PLAAT1: variants seen among roughly 807,000 people sequenced by gnomAD.
PLAAT1 encodes the protein phospholipase A and acyltransferase 1, also known as H-REV107 protein-related protein.
PLAAT1 carries 13 observed loss-of-function variants against 16.4 expected under a neutral mutation model. That is an observed-to-expected ratio of 0.79 (90% CI 0.52 to 1.26). The LOEUF is 1.26. Ranked by LOEUF, PLAAT1 falls within the 50% of genes most tolerant of loss-of-function variation. The probability of loss-of-function intolerance (pLI) is 0.00; values close to 1 mark genes in which losing one functional copy is unlikely to be tolerated. For synonymous variants in PLAAT1, 73 were observed against 78.4 expected, an observed-to-expected ratio of 0.93 and a Z score of 0.36; for missense variants, 218 against 207.8, an observed-to-expected ratio of 1.05 and a Z score of -0.30.
At chr3:193,269,435 A>G (rs939709455) in intron 3 of PLAAT1, among the ~76,000 whole-genome samples, 17 of 152,118 alleles carry the variant, frequency 1.1e-4, no homozygotes, top group Non-Finnish European at 1.9e-4. Context: ...TGGAGCCAAG[A>G]CTTCTGTTGT....
At position 193,241,583 on chromosome 3, in the gene PLAAT1, C is replaced by T; in HGVS notation, c.-1+50C>T. ...ACCTCGAGGCGCCCCGGCAACCAAC[C>T]GTGTTCTAACCAACTGGCAAGTGGG... is the stretch of plus-strand genomic sequence containing the variant. On this transcript the variant is annotated intron_variant, in intron 1 of 3. Transcript: ENST00000264735. 3 of 1,202,566 alleles carry T rather than the reference C, an allele frequency of 2.5e-6. No homozygotes were observed. In the South Asian group the frequency reaches 1.3e-4, roughly 51 times the overall value. 74.5% of individuals were successfully genotyped at this position (1,202,566 alleles called of 1,614,324 possible). A position where few individuals can be genotyped will look rare whatever the true frequency, so the allele number is the denominator to read the frequency against.
At chr3:193,281,065 G>A (rs1379808741), downstream of PLAAT1, 1 of 336,522 alleles carries the variant, frequency 3.0e-6, no homozygotes, top group Non-Finnish European at 4.2e-6. Flanking sequence ...CGTCTCAGAA[G>A]TGCTTGGGAA....
At chr3:193,244,041 G>A (rs573070278) in intron 1 of PLAAT1, among the ~76,000 whole-genome samples, 15 of 152,208 alleles carry the variant, frequency 9.9e-5, no homozygotes, top group African/African-American at 3.6e-4. Context: ...TCAGGTTGTC[G>A]CATATGTCAA....
At chr3:193,276,740 ATTACT>A (rs1342735707) in intron 2 of PLAAT1, 1 of 1,566,780 alleles carries the variant, frequency 6.4e-7, no homozygotes, top group Admixed American at 1.8e-5. Flanking sequence ...AAATATAGAG[ATTACT>A]TTACCTCTAC....
At chr3:193,262,325 C>T (rs1355164050) in intron 2 of PLAAT1, among the ~76,000 whole-genome samples, 3 of 143,838 alleles carry the variant, frequency 2.1e-5, no homozygotes, top group Non-Finnish European at 4.5e-5. Flanking sequence ...TAGCTTCAGG[C>T]TCAGGACTTA....
chr3:193,269,425 T>C (rs897121262), intron 3 of PLAAT1, among the ~76,000 whole-genome samples: 9 of 152,162 alleles, frequency 5.9e-5, no homozygotes, highest in African/African-American at 1.4e-4. Flanking sequence ...TGCAAACACA[T>C]GGAGCCAAGA....
chr3:193,242,492 A>G (rs933101016), intron 1 of PLAAT1, among the ~76,000 whole-genome samples: 1 of 152,166 alleles, frequency 6.6e-6, no homozygotes, highest in Non-Finnish European at 1.5e-5. Flanking sequence ...AAGGTTCAGT[A>G]TTAACAAAAA....
intron 2 of PLAAT1, 119 bp from the exon 3 acceptor site, chr3:193,262,851 A>G (rs2108797461): frequency 1.0e-6 from 1 of 999,100 alleles, no homozygotes; most frequent in Middle Eastern, 2.2e-4. Context: ...CTTTGGTTTG[A>G]TAATAAGTTA....
chr3:193,258,515 TAAC>T (rs1302234686), intron 2 of PLAAT1, among the ~76,000 whole-genome samples: 1 of 151,832 alleles, frequency 6.6e-6, no homozygotes, highest in East Asian at 1.9e-4. Context: ...CTATCTAAAT[TAAC>T]AAAGGAAAAA....
chr3:193,270,535 A>G, intron 3 of PLAAT1, 69 bp from the exon 4 acceptor site: 6 of 1,462,782 alleles, frequency 4.1e-6, no homozygotes, highest in Middle Eastern at 1.8e-4. Flanking sequence ...AACAGGCTAA[A>G]GCTTCATTTA....
intron 1 of PLAAT1, among the ~76,000 whole-genome samples, chr3:193,245,977 G>A (rs764362251): frequency 6.6e-6 from 1 of 152,186 alleles, no homozygotes; most frequent in Non-Finnish European, 1.5e-5. Flanking sequence ...CCCATTTCAT[G>A]TGCAAGGAGA....
chr3:193,256,926 C>T (rs1716396450), intron 2 of PLAAT1, among the ~76,000 whole-genome samples: 1 of 152,116 alleles, frequency 6.6e-6, no homozygotes, highest in African/African-American at 2.4e-5. Flanking sequence ...ATATTCTTTA[C>T]TGAGAAATCT....
intron 2 of PLAAT1, among the ~76,000 whole-genome samples, chr3:193,258,570 A>G (rs1716465515): frequency 6.6e-6 from 1 of 152,164 alleles, no homozygotes; most frequent in Admixed American, 6.5e-5. Flanking sequence ...AAATGACATT[A>G]TAACCAGTCC....
chr3:193,274,973 A>T (rs977496709), downstream of PLAAT1: 1 of 1,558,878 alleles, frequency 6.4e-7, no homozygotes, highest in Non-Finnish European at 8.8e-7. Context: ...GAGTATCATC[A>T]CTTCTCCACA....
intron 1 of PLAAT1, among the ~76,000 whole-genome samples, chr3:193,251,107 C>T (rs1716177994): frequency 1.3e-5 from 2 of 152,182 alleles, no homozygotes; most frequent in South Asian, 4.1e-4. Flanking sequence ...AGAAGCAAGC[C>T]AGGGAAAAAG....
At chr3:193,268,228 A>G (rs1327453366) in intron 3 of PLAAT1, among the ~76,000 whole-genome samples, 1 of 151,992 alleles carries the variant, frequency 6.6e-6, no homozygotes, top group Non-Finnish European at 1.5e-5. Context: ...GATGGCCCAC[A>G]CTCTTCAGTA....
chr3:193,262,629 C>T (rs1716627030), intron 2 of PLAAT1, among the ~76,000 whole-genome samples: 2 of 152,168 alleles, frequency 1.3e-5, no homozygotes, highest in South Asian at 2.1e-4. Context: ...TTATCTGTAT[C>T]TATGTTAGAC....
At chr3:193,268,784 C>G (rs1215046590) in intron 3 of PLAAT1, among the ~76,000 whole-genome samples, 1 of 152,252 alleles carries the variant, frequency 6.6e-6, no homozygotes, top group Non-Finnish European at 1.5e-5. Flanking sequence ...GGTTGCCCAT[C>G]CCCCAACCAG....
At chr3:193,259,936 C>T (rs1233438193) in intron 2 of PLAAT1, among the ~76,000 whole-genome samples, 1 of 151,986 alleles carries the variant, frequency 6.6e-6, no homozygotes, top group African/African-American at 2.4e-5. Flanking sequence ...GCTGCAGGCA[C>T]ATTACCCAAC....
Sources: gnomAD v4.1 joint callset for allele counts (sites outside exome capture counted in the v4.1 genomes callset) on GRCh38, gnomAD v4.1.1 for gene constraint, MANE v1.5 for transcripts, NCBI Gene and HGNC (gene_info 2026-07-23, HGNC 2026-07-21) for gene names.